The following AP5M1 variants were observed in gnomAD, a reference collection of about 807,000 sequenced individuals.
AP5M1 encodes adaptor related protein complex 5 subunit mu 1.
Under a neutral mutation model 52.3 loss-of-function variants are expected in AP5M1, and 44 were observed. The observed-to-expected ratio is 0.84, with a 90% CI of 0.66 to 1.08. The LOEUF (loss-of-function observed/expected upper bound fraction) is 1.08. AP5M1 is among the 50% of genes least tolerant of loss of function. The pLI is 0.00. For synonymous variants in AP5M1, 213 were observed against 199.0 expected, an observed-to-expected ratio of 1.07 and a Z score of -0.59; for missense variants, 526 against 568.4, an observed-to-expected ratio of 0.93 and a Z score of 0.76.
In AP5M1 at chr14:57,289,771, C is replaced by G. The variant is rs1290965118; in HGVS notation, c.*887C>G. ...AATTCTGGTAAAAATTCAAAAGGCA[C>G]TCTGTGAGTAGAGAGTATCATTTAA... is the stretch of plus-strand genomic sequence containing the variant. On this transcript the variant is annotated 3_prime_UTR_variant, in exon 8 of 8. Transcript: ENST00000261558. 2.0e-5 allele frequency: 3 copies of G among 151,986 alleles called. No individual in the cohort carries two copies. Among genetic ancestry groups the G allele is most frequent in the Non-Finnish European group, 4.4e-5 (3 of 67,920 alleles). The allele number at this position is 151,986 out of a possible 1,614,324, so 9.4% of individuals were successfully genotyped here.
At chr14:57,280,039 A>G (rs1354473812) in intron 2 of AP5M1, among the ~76,000 whole-genome samples, 156 bp from the exon 3 acceptor site, 2 of 152,244 alleles carry the variant, frequency 1.3e-5, no homozygotes, top group African/African-American at 2.4e-5. Context: ...GTCTAAGAAC[A>G]TGATAAAACC....
intron 7 of AP5M1, 187 bp downstream of exon 7, chr14:57,286,506 T>G (rs1287678668): frequency 4.1e-6 from 2 of 492,648 alleles, no homozygotes; most frequent in Non-Finnish European, 7.2e-6. Context: ...GCCTTCTTGT[T>G]TATAAAGTGG....
rs1885435751 is a variant in AP5M1 at position 57,291,567 on chromosome 14, G to A, written c.*2683G>A. 1.3e-5 allele frequency: 2 copies of A among 151,724 alleles called. No homozygotes were observed. Among genetic ancestry groups the A allele is most frequent in the African/African-American group, 4.8e-5 (2 of 41,364 alleles). 9.4% of individuals were successfully genotyped at this position (151,724 alleles called of 1,614,324 possible). A position where few individuals can be genotyped will look rare whatever the true frequency, so the allele number is the denominator to read the frequency against. ...AACTTTTTAAGTAATTGATTCAAAT[G>A]TCAAGTTTGAAGCAGTCTTGTCAGG... On this transcript the variant is annotated 3_prime_UTR_variant, in exon 8 of 8. Coordinates refer to ENST00000261558, the MANE Select transcript of AP5M1 (RefSeq NM_018229.4).
In AP5M1 at chr14:57,298,674, G is replaced by T. The variant is rs1056645790; in HGVS notation, c.*9790G>T. On this transcript the variant is annotated 3_prime_UTR_variant, in exon 8 of 8. Coordinates refer to ENST00000261558, the MANE Select transcript of AP5M1 (RefSeq NM_018229.4). ...CCCTTGGTTTTGAATGTTCAATTCTGTATTGCAGGAATGCCTACTCAGTTG... is the reference window on the plus strand; with the variant it reads ...CCCTTGGTTTTGAATGTTCAATTCTTTATTGCAGGAATGCCTACTCAGTTG... 2 of 152,134 alleles carry T rather than the reference G, an allele frequency of 1.3e-5. No individual in the cohort carries two copies. The highest frequency in any genetic ancestry group is 1.3e-4 in the Admixed American group (2 of 15,276). The allele number at this position is 152,134 out of a possible 1,614,324, so 9.4% of individuals were successfully genotyped here.
Position 57,297,486 on chromosome 14 carries a change from T to C in AP5M1, c.*8602T>C, listed in dbSNP as rs1324365675. 1 of 152,156 alleles carries C rather than the reference T, an allele frequency of 6.6e-6. No individual in the cohort carries two copies. The highest frequency in any genetic ancestry group is 2.4e-5 in the African/African-American group (1 of 41,438). 9.4% of individuals were successfully genotyped at this position (152,156 alleles called of 1,614,324 possible). The stretch of plus-strand genomic sequence containing the variant: ...CCAACTATCCTAATGTGTAGTCAAT[T>C]GATAAACTAAATTTTTCTTTAGGAT... On this transcript the variant is annotated 3_prime_UTR_variant, in exon 8 of 8. Transcript: ENST00000261558.
At position 57,298,296 on chromosome 14, in the gene AP5M1, A is replaced by G. The variant is rs1885592872; in HGVS notation, c.*9412A>G. On this transcript the variant is annotated 3_prime_UTR_variant, in exon 8 of 8. Coordinates refer to ENST00000261558, the MANE Select transcript of AP5M1 (RefSeq NM_018229.4). ...TGAAATGGAGTCGCCAGTATCCAAA[A>G]GTTCCAAGTGATTATTTAGAACATT... The G allele has an allele frequency of 6.6e-6, 1 of 152,174 alleles. No homozygotes were observed. The highest frequency in any genetic ancestry group is 2.4e-5 in the African/African-American group (1 of 41,450). The allele number at this position is 152,174 out of a possible 1,614,324, so 9.4% of individuals were successfully genotyped here. A position where few individuals can be genotyped will look rare whatever the true frequency, so the allele number is the denominator to read the frequency against.
At chr14:57,285,904 C>T (rs1294138114) in intron 6 of AP5M1, among the ~76,000 whole-genome samples, 1 of 152,120 alleles carries the variant, frequency 6.6e-6, no homozygotes, top group African/African-American at 2.4e-5. Context: ...ATACCAATTG[C>T]TTCCATCTTT....
intron 7 of AP5M1, 126 bp from the exon 8 acceptor site, chr14:57,288,676 T>C: frequency 1.6e-6 from 1 of 611,586 alleles, no homozygotes; most frequent in Non-Finnish European, 2.9e-6. Context: ...AATATGAAAT[T>C]AAAATGAATA....
At chr14:57,282,825 C>G (rs1321880985) in intron 4 of AP5M1, 109 bp from the exon 5 acceptor site, 5 of 615,652 alleles carry the variant, frequency 8.1e-6, no homozygotes, top group Non-Finnish European at 1.4e-5. Flanking sequence ...GAATACAGAT[C>G]TGCTTTTATG....
intron 1 of AP5M1, among the ~76,000 whole-genome samples, 191 bp downstream of exon 1, chr14:57,269,579 A>T (rs2139681479): frequency 6.6e-6 from 1 of 152,264 alleles, no homozygotes; most frequent in Admixed American, 6.5e-5. Context: ...GTGAGAATTG[A>T]GTTGATGACT....
rs1248905303 is a variant in AP5M1 at position 57,289,865 on chromosome 14, G to A, written c.*981G>A. 6.6e-6 allele frequency: 1 copy of A among 151,786 alleles called. No homozygotes were observed. The highest frequency in any genetic ancestry group is 1.5e-5 in the Non-Finnish European group (1 of 67,898). 9.4% of individuals were successfully genotyped at this position (151,786 alleles called of 1,614,324 possible). Reference sequence around the variant, plus strand: ...ACTCTCACTTTCTTACCATTCTCTTGATTTCTTCAGAAACCATCTAGTCAT... The same window carrying A: ...ACTCTCACTTTCTTACCATTCTCTTAATTTCTTCAGAAACCATCTAGTCAT... On this transcript the variant is annotated 3_prime_UTR_variant, in exon 8 of 8. Coordinates refer to ENST00000261558, the MANE Select transcript of AP5M1 (RefSeq NM_018229.4).
chr14:57,279,871 C>T (rs1296352906), intron 2 of AP5M1, among the ~76,000 whole-genome samples: 8 of 152,120 alleles, frequency 5.3e-5, no homozygotes, highest in Non-Finnish European at 1.2e-4. Flanking sequence ...GAAAGCAAGT[C>T]CAGAAATATT....
intron 7 of AP5M1, 93 bp downstream of exon 7, chr14:57,286,412 G>A: frequency 1.2e-6 from 1 of 826,280 alleles, no homozygotes; most frequent in Non-Finnish European, 2.0e-6. Context: ...AGAACTTAGA[G>A]ATTAGAGAAT....
Position 57,289,729 on chromosome 14 carries a change from G to A in AP5M1, c.*845G>A, listed in dbSNP as rs1229946027. ...TACTGCTCTTGCTGTGTCTTATTAA[G>A]TTAAAATTAATGAATGAATTCTGGT... On this transcript the variant is annotated 3_prime_UTR_variant, in exon 8 of 8. Coordinates refer to ENST00000261558, the MANE Select transcript of AP5M1 (RefSeq NM_018229.4). 6.6e-6 allele frequency: 1 copy of A among 151,936 alleles called. No homozygotes were observed. The highest frequency in any genetic ancestry group is 2.4e-5 in the African/African-American group (1 of 41,394). The allele number at this position is 151,936 out of a possible 1,614,324, so 9.4% of individuals were successfully genotyped here. A position where few individuals can be genotyped will look rare whatever the true frequency, so the allele number is the denominator to read the frequency against.
rs372166195 is a variant in AP5M1, at chr14:57,274,337, C to G, written c.168C>G (p.Leu56=). 3 of 1,614,008 alleles carry G rather than the reference C, an allele frequency of 1.9e-6. No homozygotes were observed. In the African/African-American group the frequency reaches 4.0e-5, roughly 22 times the overall value. Residue 56 remains leucine, a synonymous_variant, in exon 2 of 8, where the codon CTC becomes CTG. Coordinates refer to ENST00000261558, the MANE Select transcript of AP5M1 (RefSeq NM_018229.4). ...ATGGTCCCTTTCTTAAAGCACTGCT[C>G]TTTGAACTTAGATTATTGGATGATG... ...PEDGPFLKAL[L]FELRLLDDDK... is the part of the protein sequence containing the mutation.
chr14:57,270,911 A>G (rs981689468), intron 1 of AP5M1, among the ~76,000 whole-genome samples: 4 of 152,236 alleles, frequency 2.6e-5, no homozygotes, highest in Non-Finnish European at 4.4e-5. Context: ...CATCTAAGGC[A>G]GCATGTCCAA....
At chr14:57,272,518 T>C (rs1470281700) in intron 1 of AP5M1, among the ~76,000 whole-genome samples, 1 of 152,264 alleles carries the variant, frequency 6.6e-6, no homozygotes, top group Non-Finnish European at 1.5e-5. Flanking sequence ...CCTTGAATCC[T>C]GTTTTAGAAA....
At chr14:57,269,989 T>A (rs909552397) in intron 1 of AP5M1, among the ~76,000 whole-genome samples, 15 of 152,122 alleles carry the variant, frequency 9.9e-5, no homozygotes, top group Admixed American at 7.9e-4. Context: ...TTTGTATTTT[T>A]GGTAGAGAGG....
chr14:57,296,002 T>C lies in AP5M1; in HGVS notation c.*7118T>C, dbSNP rs1369758068. On this transcript the variant is annotated 3_prime_UTR_variant, in exon 8 of 8. Coordinates refer to ENST00000261558, the MANE Select transcript of AP5M1 (RefSeq NM_018229.4). ...ACTACATTGAGAATGAAAAAGCCAT[T>C]GAACAATAGATGTACCAATTTGACC... The C allele has an allele frequency of 6.6e-6, 1 of 152,000 alleles. No homozygotes were observed. Among genetic ancestry groups the C allele is most frequent in the Non-Finnish European group, 1.5e-5 (1 of 67,934 alleles). 9.4% of individuals were successfully genotyped at this position (152,000 alleles called of 1,614,324 possible).
Sources: allele counts gnomAD v4.1 joint callset (sites outside exome capture counted in the v4.1 genomes callset), GRCh38; gene constraint gnomAD v4.1.1; transcripts MANE v1.5; gene names NCBI Gene and HGNC (gene_info 2026-07-23, HGNC 2026-07-21).